MRPL19: variants seen among roughly 807,000 people sequenced by gnomAD.
MRPL19 encodes the protein mitochondrial ribosomal protein L19.
Under a neutral mutation model 34.0 loss-of-function variants are expected in MRPL19, and 31 were observed. The observed-to-expected ratio is 0.91, with a 90% CI of 0.68 to 1.23. MRPL19 has a LOEUF of 1.23. Ranked by LOEUF, MRPL19 falls within the 50% of genes most tolerant of loss-of-function variation. MRPL19 has a pLI of 0.00. For missense variants in MRPL19, 384 were observed against 367.6 expected (o/e 1.04, Z -0.37); for synonymous variants, 152 against 127.7 (o/e 1.19, Z -1.28).
At position 75,655,090 on chromosome 2, in the gene MRPL19, C is replaced by T; in HGVS notation, c.684C>T (p.Pro228=). 6.3e-7 allele frequency: 1 copy of T among 1,599,980 alleles called. No homozygotes were observed. Among genetic ancestry groups the T allele is most frequent in the Non-Finnish European group, 8.5e-7 (1 of 1,174,904 alleles). ...NELKVKMKPK[P]WSKRWERPNF... The stretch of plus-strand genomic sequence containing the variant: ...TGAAAGTAAAAATGAAGCCTAAGCC[C>T]TGGTCTAAACGCTGGGAACGTCCAA... Residue 228 remains proline (P), a synonymous_variant, in exon 6 of 6, where the codon CCC becomes CCT. Coordinates refer to ENST00000393909, the MANE Select transcript of MRPL19 (RefSeq NM_014763.4).
rs557928218 is a variant in MRPL19 at position 75,647,001 on chromosome 2, C to T, written c.103+91C>T. 6.1e-6 allele frequency: 9 copies of T among 1,479,620 alleles called. No individual in the cohort carries two copies. The South Asian group carries it at 8.0e-5, about 13-fold the overall frequency. The allele number at this position is 1,479,620 out of a possible 1,614,324, so 91.7% of individuals were successfully genotyped here. A position where few individuals can be genotyped will look rare whatever the true frequency, so the allele number is the denominator to read the frequency against. On this transcript the variant is annotated intron_variant, in intron 1 of 5. Transcript: ENST00000393909. ...ACCTGGAGATCAGAGGCAACCCCAG[C>T]GTTGGTCCCCCGTGGGACGCCGGGT... is the stretch of plus-strand genomic sequence containing the variant.
chr2:75,650,613 A>T (rs766887841), intron 2 of MRPL19, among the ~76,000 whole-genome samples: 1 of 152,204 alleles, frequency 6.6e-6, no homozygotes, highest in Non-Finnish European at 1.5e-5. Flanking sequence ...CTACAGAGGC[A>T]CAAACAAGGC....
chr2:75,647,314 A>C, intron 2 of MRPL19, 95 bp downstream of exon 2: 3 of 1,159,000 alleles, frequency 2.6e-6, no homozygotes, highest in Non-Finnish European at 3.7e-6. Context: ...TGGGGGCTGC[A>C]CCTCCCCCTG....
rs1488327274 is a variant in MRPL19 at position 75,658,833 on chromosome 2, A to G, written c.*3548A>G. Among the ~76,000 whole-genome samples the G allele has an allele frequency of 6.6e-6, 1 of 152,086 alleles. No individual in the cohort carries two copies. The highest frequency in any genetic ancestry group is 6.6e-5 in the Admixed American group (1 of 15,256). On this transcript the variant is annotated 3_prime_UTR_variant, in exon 6 of 6. Transcript: ENST00000393909. Reference sequence around the variant, plus strand: ...AGGTCAAGGTGGTTTACAATGTGTTAAGGTTCTCTTTTTTTAAAAAAATTT... The same window carrying G: ...AGGTCAAGGTGGTTTACAATGTGTTGAGGTTCTCTTTTTTTAAAAAAATTT...
At position 75,652,620 on chromosome 2, in the gene MRPL19, A is replaced by G. The variant is rs141954373; in HGVS notation, c.438A>G (p.Gly146=). The change falls in exon 4 of 6, where the codon GGA becomes GGG. Residue 146 remains glycine (G), a synonymous_variant. Transcript: ENST00000393909. The part of the protein sequence containing the change: ...ICIQRSGRGL[G]ATFILRNVIE... ...TTCAGAGATCAGGAAGAGGACTTGG[A>G]GCTACTTTCATCCTTAGGAATGTTA... The G allele has an allele frequency of 2.5e-4, 400 of 1,613,708 alleles. 2 individuals are homozygous for G. The African/African-American group carries it at 4.7e-3, about 19-fold the overall frequency.
rs745792542 is a variant in MRPL19, at chr2:75,652,482, G to T, written c.341-41G>T. ...TATATAAAGTTTACTTCTCAGCTGG[G>T]TGTGCTGAAAAAAAAGTTCACTTCT... On this transcript the variant is annotated intron_variant, in intron 3 of 5. Transcript: ENST00000393909. The T allele has an allele frequency of 2.5e-6, 4 of 1,598,798 alleles. No individual in the cohort carries two copies. In the South Asian group the frequency reaches 4.5e-5, roughly 18 times the overall value.
intron 2 of MRPL19, among the ~76,000 whole-genome samples, chr2:75,648,912 C>T (rs1678274630): frequency 6.6e-6 from 1 of 152,028 alleles, no homozygotes; most frequent in Non-Finnish European, 1.5e-5. Context: ...TATATGTTGC[C>T]CAGACATACA....
At chr2:75,649,147 G>T (rs1385172326) in intron 2 of MRPL19, among the ~76,000 whole-genome samples, 1 of 152,188 alleles carries the variant, frequency 6.6e-6, no homozygotes, top group African/African-American at 2.4e-5. Flanking sequence ...AGTAGGCCTT[G>T]ACTGTTCAAA....
At position 75,654,774 on chromosome 2, in the gene MRPL19, C is replaced by G. The variant is rs1020267385; in HGVS notation, c.514C>G (p.Gln172Glu). 6.2e-7 allele frequency: 1 copy of G among 1,613,558 alleles called. No homozygotes were observed. The highest frequency in any genetic ancestry group is 8.5e-7 in the Non-Finnish European group (1 of 1,179,802). The stretch of plus-strand genomic sequence containing the variant: ...CTTTGAACTTTATAATCCTCGGGTC[C>G]AGGAGATTCAGGTGGTCAAATTAGA... The part of the protein sequence containing the change: ...ICFELYNPRV[Q>E]EIQVVKLEKR... Residue 172 changes from glutamine (Q) to glutamate (E), a missense_variant, in exon 5 of 6, where the codon CAG becomes GAG. By Grantham distance (29) the Gln-to-Glu change is conservative. Transcript: ENST00000393909.
At chr2:75,653,807 G>A (rs534373651) in intron 4 of MRPL19, among the ~76,000 whole-genome samples, 1 of 152,266 alleles carries the variant, frequency 6.6e-6, no homozygotes, top group African/African-American at 2.4e-5. Flanking sequence ...CCCTTGCAAG[G>A]TGTTCCATTC....
At position 75,652,201 on chromosome 2, in the gene MRPL19, TAGAA is replaced by T. The variant is rs779061927; in HGVS notation, c.287_290del (p.Arg96LysfsTer4). On this transcript the variant is annotated frameshift_variant, in exon 3 of 6. Coordinates refer to ENST00000393909, the MANE Select transcript of MRPL19 (RefSeq NM_014763.4). LOFTEE classifies it high-confidence loss of function. ...AGAACAGATCCTCTGAAATTTCAAA[TAGAA>T]AGAAAAGATATGTTAGAAAGGAGAA... 13 of 1,607,336 alleles carry T rather than the reference TAGAA, an allele frequency of 8.1e-6. No homozygotes were observed. In the African/African-American group the frequency reaches 1.6e-4, roughly 20 times the overall value.
intron 2 of MRPL19, 81 bp downstream of exon 2, chr2:75,647,300 A>G: frequency 7.4e-7 from 1 of 1,352,718 alleles, no homozygotes; most frequent in African/African-American, 1.4e-5. Context: ...TCCCGGCTCT[A>G]AGGTGGGGGC....
intron 4 of MRPL19, 46 bp from the exon 5 acceptor site, chr2:75,654,690 G>C: frequency 6.4e-7 from 1 of 1,573,198 alleles, no homozygotes; most frequent in Non-Finnish European, 8.7e-7. Flanking sequence ...AACATGTATA[G>C]GAACGTGGAC....
chr2:75,651,250 C>G (rs1678326091), intron 2 of MRPL19: 1 of 476,868 alleles, frequency 2.1e-6, no homozygotes, highest in African/African-American at 2.0e-5. Context: ...ACCTGTCATC[C>G]AAGGAAGAGA....
chr2:75,655,030 C>CTTTTT (rs35367062), intron 5 of MRPL19, 34 bp from the exon 6 acceptor site: 10 of 1,156,758 alleles, frequency 8.6e-6, no homozygotes, highest in East Asian at 2.8e-5. Flanking sequence ...CTAATTATTG[C>CTTTTT]TTTTTTTTTT....
At position 75,656,350 on chromosome 2, in the gene MRPL19, A is replaced by C. The variant is rs1678452479; in HGVS notation, c.*1065A>C. 1 of 152,202 alleles carries C rather than the reference A, an allele frequency of 6.6e-6. No homozygotes were observed. Among genetic ancestry groups the C allele is most frequent in the Admixed American group, 6.5e-5 (1 of 15,278 alleles). 9.4% of individuals were successfully genotyped at this position (152,202 alleles called of 1,614,324 possible). A position where few individuals can be genotyped will look rare whatever the true frequency, so the allele number is the denominator to read the frequency against. On this transcript the variant is annotated 3_prime_UTR_variant, in exon 6 of 6. Coordinates refer to ENST00000393909, the MANE Select transcript of MRPL19 (RefSeq NM_014763.4). ...AGGTTAAAAAATACAGTACTATCCT[A>C]AATCTTGAAGGCAACTCTCAGCCTA...
At position 75,655,352 on chromosome 2, in the gene MRPL19, A is replaced by C; in HGVS notation, c.*67A>C. The C allele has an allele frequency of 9.2e-7, 1 of 1,084,962 alleles. No individual in the cohort carries two copies. The highest frequency in any genetic ancestry group is 1.3e-6 in the Non-Finnish European group (1 of 741,900). The allele number at this position is 1,084,962 out of a possible 1,614,324, so 67.2% of individuals were successfully genotyped here. A position where few individuals can be genotyped will look rare whatever the true frequency, so the allele number is the denominator to read the frequency against. ...TCTAAGAGGATATATTTTGAGACCA[A>C]TTTAATTTCATTTATAAGAACATAG... On this transcript the variant is annotated 3_prime_UTR_variant, in exon 6 of 6. Transcript: ENST00000393909.
In MRPL19 at chr2:75,647,237, C is replaced by T. The variant is rs750926785; in HGVS notation, c.221+18C>T. ...GAACGCAGGTGAGGCACTGCCCTGG[C>T]GCTAGGCCGGCAACTGGGGTCGGTG... On this transcript the variant is annotated intron_variant, in intron 2 of 5. Transcript: ENST00000393909. 1 of 1,563,270 alleles carries T rather than the reference C, an allele frequency of 6.4e-7. No individual in the cohort carries two copies. Among genetic ancestry groups the T allele is most frequent in the South Asian group, 1.2e-5 (1 of 84,264 alleles).
Position 75,657,458 on chromosome 2 carries a change from T to TC in MRPL19, c.*2174dup, listed in dbSNP as rs1678485260. The TC allele has an allele frequency of 6.6e-6, 1 of 152,182 alleles. No homozygotes were observed. Among genetic ancestry groups the TC allele is most frequent in the South Asian group, 2.1e-4 (1 of 4,836 alleles). The allele number at this position is 152,182 out of a possible 1,614,324, so 9.4% of individuals were successfully genotyped here. ...ATCTTTTTCACTAATGATTATATAG[T>TC]CATCTAACTACTGTCAACAAGTAAT... On this transcript the variant is annotated 3_prime_UTR_variant, in exon 6 of 6. Coordinates refer to ENST00000393909, the MANE Select transcript of MRPL19 (RefSeq NM_014763.4).
Sources: allele counts gnomAD v4.1 joint callset (sites outside exome capture counted in the v4.1 genomes callset), GRCh38; gene constraint gnomAD v4.1.1; transcripts MANE v1.5; gene names NCBI Gene and HGNC (gene_info 2026-07-23, HGNC 2026-07-21).